The following NOS1AP variants were observed in gnomAD, a reference collection of about 807,000 sequenced individuals.
NOS1AP encodes nitric oxide synthase 1 adaptor protein.
A neutral mutation model predicts 56.2 loss-of-function variants in NOS1AP; 21 were observed. The observed-to-expected ratio is 0.37, with a 90% CI of 0.26 to 0.54. The LOEUF is 0.54. Among genes scored for constraint, NOS1AP ranks in the 20% least tolerant of loss-of-function variants. NOS1AP has a pLI of 0.84. For synonymous variants in NOS1AP, 270 were observed against 274.6 expected, an observed-to-expected ratio of 0.98 and a Z score of 0.17; for missense variants, 522 against 657.8, an observed-to-expected ratio of 0.79 and a Z score of 2.26.
In NOS1AP at chr1:162,343,916, A is replaced by G. The variant is rs375970752; in HGVS notation, c.535A>G (p.Asn179Asp). 20 of 1,614,150 alleles carry G rather than the reference A, an allele frequency of 1.2e-5. No homozygotes were observed. The African/African-American group carries it at 2.1e-4, about 17-fold the overall frequency. The part of the protein sequence containing the change: ...HKLSLQHTQQ[N>D]ADGQEDGESE... ...GCTGAGCCTGCAGCACACGCAGCAGAATGCAGATGGCCAGGAAGATGGAGA... is the reference window on the plus strand; with the variant it reads ...GCTGAGCCTGCAGCACACGCAGCAGGATGCAGATGGCCAGGAAGATGGAGA... The change falls in exon 6 of 10, where the codon AAT becomes GAT. Residue 179 changes from asparagine to aspartate, a missense_variant. Physicochemically the swap from Asn to Asp is conservative, Grantham distance 23. Transcript: ENST00000361897.
rs61378473 is a variant in NOS1AP, at chr1:162,217,267, C to CTTTTTTTTTTTTTTTTTTTT, written c.177+62805_177+62806insTTTTTTTTTTTTTTTTTTTT. 2.4e-3 allele frequency among the ~76,000 whole-genome samples: 162 copies of CTTTTTTTTTTTTTTTTTTTT among 68,376 alleles called. 35 individuals carry two copies. The highest frequency in any genetic ancestry group is 9.3e-3 in the East Asian group (17 of 1,836). The allele number at this position is 68,376 out of a possible 152,430, so 44.9% of individuals were successfully genotyped here. The stretch of plus-strand genomic sequence containing the variant: ...TGGGTCCTGAAACAGCTGTTGTTAG[C>CTTTTTTTTTTTTTTTTTTTT]TTTTTTTTTTTTTTGAGATGAAGTC... On this transcript the variant is annotated intron_variant, in intron 2 of 9. Transcript: ENST00000361897.
At chr1:162,356,475 C>T (rs1168501910) in intron 7 of NOS1AP, among the ~76,000 whole-genome samples, 2 of 152,190 alleles carry the variant, frequency 1.3e-5, no homozygotes, top group Non-Finnish European at 2.9e-5. Context: ...CAGGACCCAG[C>T]TCCACGCTTC....
At chr1:162,218,508 C>T (rs538474401) in intron 2 of NOS1AP, among the ~76,000 whole-genome samples, 1 of 152,340 alleles carries the variant, frequency 6.6e-6, no homozygotes, top group East Asian at 1.9e-4. Flanking sequence ...GTTGCTCCCA[C>T]TCCTGCTATC....
chr1:162,305,050 T>A (rs1655777909), intron 4 of NOS1AP, among the ~76,000 whole-genome samples: 1 of 152,192 alleles, frequency 6.6e-6, no homozygotes, highest in Non-Finnish European at 1.5e-5. Flanking sequence ...TTTTAATTTT[T>A]TATTAAGTCA....
chr1:162,209,127 C>T, intron 2 of NOS1AP, among the ~76,000 whole-genome samples: 1 of 152,082 alleles, frequency 6.6e-6, no homozygotes, highest in East Asian at 1.9e-4. Context: ...TTCTGGAATC[C>T]CATTTATGGC....
intron 6 of NOS1AP, among the ~76,000 whole-genome samples, chr1:162,346,570 A>T (rs1657303378): frequency 6.6e-6 from 1 of 152,240 alleles, no homozygotes; most frequent in African/African-American, 2.4e-5. Flanking sequence ...TTTCTTATGC[A>T]TGGAATATCT....
At chr1:162,079,113 A>C (rs1040862530) in intron 1 of NOS1AP, among the ~76,000 whole-genome samples, 2 of 152,186 alleles carry the variant, frequency 1.3e-5, no homozygotes, top group African/African-American at 4.8e-5. Flanking sequence ...CTCTTGCTTT[A>C]GTCTAGTAAC....
At chr1:162,348,752 C>T (rs966351818) in intron 6 of NOS1AP, among the ~76,000 whole-genome samples, 4 of 151,958 alleles carry the variant, frequency 2.6e-5, no homozygotes, top group African/African-American at 4.8e-5. Context: ...CTCCCCTGCT[C>T]GTGTAGGTGA....
chr1:162,162,204 G>A (rs1467841229), intron 2 of NOS1AP, among the ~76,000 whole-genome samples: 2 of 152,186 alleles, frequency 1.3e-5, no homozygotes, highest in Non-Finnish European at 2.9e-5. Flanking sequence ...CCATCAAATA[G>A]TTCTTCTGTA....
intron 2 of NOS1AP, among the ~76,000 whole-genome samples, chr1:162,246,516 A>G (rs186006228): frequency 1.3e-5 from 2 of 152,308 alleles, no homozygotes; most frequent in East Asian, 1.9e-4. Context: ...AAAACATATA[A>G]TTCTTGCTCT....
intron 4 of NOS1AP, among the ~76,000 whole-genome samples, chr1:162,303,711 G>T (rs2101757351): frequency 6.6e-6 from 1 of 152,096 alleles, no homozygotes; most frequent in East Asian, 1.9e-4. Flanking sequence ...CATAGTGCTG[G>T]GATTATAGAC....
intron 1 of NOS1AP, among the ~76,000 whole-genome samples, chr1:162,121,339 G>A (rs1160526005): frequency 1.3e-5 from 2 of 151,868 alleles, no homozygotes; most frequent in East Asian, 3.9e-4. Flanking sequence ...GGCTGGTCTC[G>A]AACTCCTGAC....
At chr1:162,319,062 T>G (rs897783166) in intron 4 of NOS1AP, among the ~76,000 whole-genome samples, 1 of 152,192 alleles carries the variant, frequency 6.6e-6, no homozygotes, top group Non-Finnish European at 1.5e-5. Flanking sequence ...TCTGGCTGCA[T>G]AGACTGTGCT....
intron 2 of NOS1AP, among the ~76,000 whole-genome samples, chr1:162,224,662 G>T (rs1178357484): frequency 6.6e-6 from 1 of 152,130 alleles, no homozygotes; most frequent in Non-Finnish European, 1.5e-5. Flanking sequence ...TACTGAACAA[G>T]AAGACAGAGG....
rs150534275 is a variant in NOS1AP, at chr1:162,222,929, G to A, written c.178-64415G>A. On this transcript the variant is annotated intron_variant, in intron 2 of 9. Coordinates refer to ENST00000361897, the MANE Select transcript of NOS1AP (RefSeq NM_014697.3). ...AAGAAAATGGGTGTGATAGTTATGA[G>A]TATTTACATACAGATCACACTATTC... 6.9e-3 allele frequency among the ~76,000 whole-genome samples: 1,052 copies of A among 152,266 alleles called. 17 individuals carry two copies. Among genetic ancestry groups the A allele is most frequent in the African/African-American group, 0.024 (987 of 41,544 alleles).
intron 1 of NOS1AP, among the ~76,000 whole-genome samples, chr1:162,099,643 T>TTAC (rs1165336065): frequency 2.0e-5 from 3 of 150,644 alleles, no homozygotes; most frequent in Non-Finnish European, 4.4e-5. Context: ...TTAAATTTTA[T>TTAC]TATCATACTT....
chr1:162,228,879 G>T (rs1653029650), intron 2 of NOS1AP, among the ~76,000 whole-genome samples: 1 of 152,204 alleles, frequency 6.6e-6, no homozygotes, highest in African/African-American at 2.4e-5. Context: ...ATACACAGGA[G>T]AATTAGAATT....
rs1254177845 is a variant in NOS1AP at position 162,285,042 on chromosome 1, A to T, written c.178-2302A>T. ...ATTTCTGCTTTGATTTTATTGTTAG[A>T]AAAGAGAAGTATATGGGGCATATGA... On this transcript the variant is annotated intron_variant, in intron 2 of 9. Coordinates refer to ENST00000361897, the MANE Select transcript of NOS1AP (RefSeq NM_014697.3). Among the ~76,000 whole-genome samples the T allele has an allele frequency of 3.3e-5, 5 of 152,216 alleles. No individual in the cohort carries two copies. The East Asian group carries it at 9.6e-4, about 29-fold the overall frequency.
At chr1:162,170,086 T>C (rs1650690753) in intron 2 of NOS1AP, among the ~76,000 whole-genome samples, 1 of 152,232 alleles carries the variant, frequency 6.6e-6, no homozygotes, top group Admixed American at 6.5e-5. Flanking sequence ...TTCAGGTATT[T>C]TAGCTCACTT....
Sources: allele counts gnomAD v4.1 joint callset (sites outside exome capture counted in the v4.1 genomes callset), GRCh38; gene constraint gnomAD v4.1.1; transcripts MANE v1.5; gene names NCBI Gene and HGNC (gene_info 2026-07-23, HGNC 2026-07-21).